BBC3: variants seen among roughly 807,000 people sequenced by gnomAD.
BBC3 encodes bcl-2-binding component 3.
BBC3 carries 5 observed loss-of-function variants against 18.2 expected under a neutral mutation model. The observed-to-expected ratio is 0.27, with a 90% CI of 0.14 to 0.58. BBC3 has a LOEUF of 0.58. BBC3 is among the 20% of genes least tolerant of loss of function. The pLI, the probability that BBC3 is intolerant of heterozygous loss-of-function variation, is 0.91. For missense variants in BBC3, 224 were observed against 268.9 expected (o/e 0.83, Z 1.17); for synonymous variants, 119 against 128.0 (o/e 0.93, Z 0.47).
chr19:47,231,734 C>G (rs1281597197), upstream of BBC3, among the ~76,000 whole-genome samples: 1 of 152,092 alleles, frequency 6.6e-6, no homozygotes, highest in African/African-American at 2.4e-5. This position sits in a 1 kb window ranked among gnomAD's most constrained non-coding sequence, Gnocchi z 4.0. Context: ...GTCCCCTGGA[C>G]AAGCAGACGG....
In BBC3 at chr19:47,226,499, G is replaced by A. The variant is rs1374372316; in HGVS notation, c.465+65C>T. The A allele has an allele frequency of 2.3e-5, 33 of 1,457,264 alleles. No individual in the cohort carries two copies. In the South Asian group the frequency reaches 3.9e-4, roughly 17 times the overall value. The allele number at this position is 1,457,264 out of a possible 1,614,324, so 90.3% of individuals were successfully genotyped here. Reference sequence around the variant, plus strand: ...AGCAGCTGCCGCACATCTGGCGGGGGCCGCCTGCCGCCCCCTCCTCCGGCG... The same window carrying A: ...AGCAGCTGCCGCACATCTGGCGGGGACCGCCTGCCGCCCCCTCCTCCGGCG... On this transcript the variant is annotated intron_variant, in intron 3 of 3. Transcript: ENST00000439096.
intron 3 of BBC3, chr19:47,222,155 C>G (rs562468827): frequency 2.6e-5 from 12 of 457,238 alleles, no homozygotes; most frequent in African/African-American, 2.0e-4. Flanking sequence ...CAAGCGAGTG[C>G]GTGGCACATT....
At chr19:47,222,629 G>C (rs1401426351) in intron 3 of BBC3, 1 of 152,284 alleles carries the variant, frequency 6.6e-6, no homozygotes, top group Admixed American at 6.6e-5. Context: ...CTGAGGTCAG[G>C]AGTTTGAGAC....
Position 47,223,577 on chromosome 19 carries a change from T to A in BBC3, c.466-1659A>T, listed in dbSNP as rs531880723. 6.5e-4 allele frequency among the ~76,000 whole-genome samples: 99 copies of A among 151,376 alleles called. 2 individuals carry two copies. The highest frequency in any genetic ancestry group is 2.7e-3 in the South Asian group (13 of 4,762). On this transcript the variant is annotated intron_variant, in intron 3 of 3. Transcript: ENST00000439096. ...GCAAGACTCCGTGTCAAAAAAAAAATTTTTTTTAAGTGTACAGAGAGCTGC... is the reference window on the plus strand; with the variant it reads ...GCAAGACTCCGTGTCAAAAAAAAAAATTTTTTTAAGTGTACAGAGAGCTGC...
rs1377982083 is a variant in BBC3 at position 47,231,097 on chromosome 19, C to T, written c.-184G>A. ...TGCTGTGGCTGTGGCTGCTGCTGCT[C>T]CCCGGGCCGCAGGCGCGTCCGCGTC... On this transcript the variant is annotated 5_prime_UTR_variant, in exon 1 of 4. Transcript: ENST00000439096. The surrounding 1 kb of genome is among the most constrained non-coding windows in gnomAD (Gnocchi z 4.0). 3.1e-6 allele frequency: 3 copies of T among 974,184 alleles called. No individual in the cohort carries two copies. The highest frequency in any genetic ancestry group is 1.8e-5 in the African/African-American group (1 of 56,978). 60.3% of individuals were successfully genotyped at this position (974,184 alleles called of 1,614,324 possible). A position where few individuals can be genotyped will look rare whatever the true frequency, so the allele number is the denominator to read the frequency against.
Position 47,230,687 on chromosome 19 carries a change from T to C in BBC3, c.-16+242A>G. ...GGGGCGCTGCCGAGCCCGCACCCCA[T>C]TGTTTGTAAACAAACCCGCCAGACC... On this transcript the variant is annotated intron_variant, in intron 1 of 3. Coordinates refer to ENST00000439096, the MANE Select transcript of BBC3 (RefSeq NM_014417.5). The surrounding 1 kb of genome is among the most constrained non-coding windows in gnomAD (Gnocchi z 6.7). 1.0e-6 allele frequency: 1 copy of C among 976,004 alleles called. No individual in the cohort carries two copies. The highest frequency in any genetic ancestry group is 4.7e-5 in the South Asian group (1 of 21,114). 60.5% of individuals were successfully genotyped at this position (976,004 alleles called of 1,614,324 possible).
At chr19:47,232,403 G>A (rs1216543642), upstream of BBC3, 2 of 838,574 alleles carry the variant, frequency 2.4e-6, no homozygotes, top group Non-Finnish European at 3.7e-6. Context: ...AACCAAATCA[G>A]ACATAGAAGA....
chr19:47,226,240 G>A (rs2058816999), intron 3 of BBC3, among the ~76,000 whole-genome samples: 1 of 151,676 alleles, frequency 6.6e-6, no homozygotes, highest in Non-Finnish European at 1.5e-5. Flanking sequence ...AAATAGCCCG[G>A]GATATATGAG....
At position 47,226,718 on chromosome 19, in the gene BBC3, A is replaced by C. The variant is rs565842409; in HGVS notation, c.311T>G (p.Leu104Arg). 1.6e-5 allele frequency: 23 copies of C among 1,438,550 alleles called. No individual in the cohort carries two copies. The South Asian group carries it at 2.1e-4, about 13-fold the overall frequency. 89.1% of individuals were successfully genotyped at this position (1,438,550 alleles called of 1,614,324 possible). ...CGGGGCGCTGGGCACGGGCGACTCC[A>C]GGTGCTGCTCCGCCAGCGAGAGCGA... is the stretch of plus-strand genomic sequence containing the variant. The part of the protein sequence containing the change: ...QPSLSLAEQH[L>R]ESPVPSAPGA... Residue 104 changes from leucine (L) to arginine (R), a missense_variant, in exon 3 of 4, where the codon CTG becomes CGG. By Grantham distance (102) the Leu-to-Arg change is moderately radical. Coordinates refer to ENST00000439096, the MANE Select transcript of BBC3 (RefSeq NM_014417.5).
chr19:47,228,493 C>T lies in BBC3; in HGVS notation c.-15-47G>A. ...GCAGGTCAGCAGGGAAGTACCAGGG[C>T]CCACTGTACCTCCAGCCTACCCGGG... On this transcript the variant is annotated intron_variant, in intron 1 of 3. Transcript: ENST00000439096. The surrounding 1 kb of genome is among the most constrained non-coding windows in gnomAD (Gnocchi z 5.5). 8.1e-7 allele frequency: 1 copy of T among 1,227,782 alleles called. No homozygotes were observed. 76.1% of individuals were successfully genotyped at this position (1,227,782 alleles called of 1,614,324 possible).
intron 1 of BBC3, among the ~76,000 whole-genome samples, chr19:47,229,674 A>G (rs1425020187): frequency 1.3e-5 from 2 of 151,792 alleles, no homozygotes; most frequent in Non-Finnish European, 2.9e-5. Context: ...ACAGGCTCAG[A>G]CACAACCCCA....
rs2058766302 is a variant in BBC3, at chr19:47,222,768, C to A, written c.466-850G>T. Among the ~76,000 whole-genome samples the A allele has an allele frequency of 2.0e-5, 3 of 146,406 alleles. No individual in the cohort carries two copies. The South Asian group carries it at 6.5e-4, about 32-fold the overall frequency. On this transcript the variant is annotated intron_variant, in intron 3 of 3. Coordinates refer to ENST00000439096, the MANE Select transcript of BBC3 (RefSeq NM_014417.5). ...ATCACCTGAGGTCGGGAGTTTGAGA[C>A]CAGCCTGACCTACATGGAGAAACCC... is the stretch of plus-strand genomic sequence containing the variant.
chr19:47,231,745 A>G (rs907710449), upstream of BBC3, among the ~76,000 whole-genome samples: 5 of 152,120 alleles, frequency 3.3e-5, no homozygotes, highest in Admixed American at 6.6e-5. The surrounding 1 kb of genome is among the most constrained non-coding windows in gnomAD (Gnocchi z 4.0). Context: ...AAGCAGACGG[A>G]CACAATGACA....
chr19:47,224,270 G>C (rs1308503075), intron 3 of BBC3, among the ~76,000 whole-genome samples: 2 of 151,902 alleles, frequency 1.3e-5, no homozygotes, highest in Admixed American at 6.6e-5. Flanking sequence ...ACTCCAACCT[G>C]GGCAACAAGA....
At position 47,226,653 on chromosome 19, in the gene BBC3, C is replaced by T. The variant is rs1444261560; in HGVS notation, c.376G>A (p.Val126Ile). 3 of 1,533,722 alleles carry T rather than the reference C, an allele frequency of 2.0e-6. No individual in the cohort carries two copies. The highest frequency in any genetic ancestry group is 2.6e-6 in the Non-Finnish European group (3 of 1,141,548). The change falls in exon 3 of 4, where the codon GTC (valine) becomes ATC (isoleucine). Residue 126 changes from valine (V) to isoleucine (I), a missense_variant. Coordinates refer to ENST00000439096, the MANE Select transcript of BBC3 (RefSeq NM_014417.5). ...GCCCACTGTTCCTCCTCCCCGCGGA[C>T]TCCCGGGGCCGCCTGGGTGGGACCG... ...AGGPTQAAPGVRGEEEQWARE... is the reference protein window; with the variant it reads ...AGGPTQAAPGIRGEEEQWARE...
Position 47,221,784 on chromosome 19 carries a change from C to A in BBC3, c.*18G>T. On this transcript the variant is annotated 3_prime_UTR_variant, in exon 4 of 4. Transcript: ENST00000439096. ...CTGCCCCCCGAGTCCCTGACGTCCACCGGGCGGGTGCAGGCACCTAATTGG... is the reference window on the plus strand; with the variant it reads ...CTGCCCCCCGAGTCCCTGACGTCCAACGGGCGGGTGCAGGCACCTAATTGG... 6.2e-7 allele frequency: 1 copy of A among 1,609,126 alleles called. No homozygotes were observed. The highest frequency in any genetic ancestry group is 8.5e-7 in the Non-Finnish European group (1 of 1,178,554).
chr19:47,226,328 C>T (rs1247583211), intron 3 of BBC3, among the ~76,000 whole-genome samples: 2 of 150,352 alleles, frequency 1.3e-5, no homozygotes, highest in East Asian at 1.9e-4. Context: ...GCGGCCTAGT[C>T]CCTGGCCCTG....
At chr19:47,222,151 A>C in intron 3 of BBC3, 1 of 472,306 alleles carries the variant, frequency 2.1e-6, no homozygotes, top group Non-Finnish European at 3.7e-6. Context: ...GCACCAAGCG[A>C]GTGCGTGGCA....
At position 47,228,927 on chromosome 19, in the gene BBC3, C is replaced by T. The variant is rs1464409977; in HGVS notation, c.-15-481G>A. ...GGACTGGCCAGCCTGACCGCCCACC[C>T]CACCTCCCACTTGCACACAAACACT... is the stretch of plus-strand genomic sequence containing the variant. On this transcript the variant is annotated intron_variant, in intron 1 of 3. Transcript: ENST00000439096. This position sits in a 1 kb window ranked among gnomAD's most constrained non-coding sequence, Gnocchi z 5.5. Among the ~76,000 whole-genome samples the T allele has an allele frequency of 6.6e-6, 1 of 152,006 alleles. No homozygotes were observed. Among genetic ancestry groups the T allele is most frequent in the Non-Finnish European group, 1.5e-5 (1 of 67,988 alleles).
Sources: gnomAD v4.1 joint callset for allele counts (sites outside exome capture counted in the v4.1 genomes callset) on GRCh38, gnomAD v4.1.1 for gene constraint, Gnocchi (gnomAD v3.1) non-coding constraint, MANE v1.5 for transcripts, NCBI Gene and HGNC (gene_info 2026-07-23, HGNC 2026-07-21) for gene names.